Variants in NELL1 observed in about 807,000 individuals in gnomAD.
NELL1 encodes neural EGFL like 1.
A neutral mutation model predicts 107.4 loss-of-function variants in NELL1; 76 were observed. The observed-to-expected ratio is 0.71, with a 90% CI of 0.59 to 0.86. The LOEUF (loss-of-function observed/expected upper bound fraction) is 0.86, where lower values mean the gene tolerates loss of function less well. NELL1 is among the 40% of genes least tolerant of loss of function. NELL1 has a pLI of 0.00. For missense variants in NELL1, 1,024 were observed against 1,005.5 expected, an observed-to-expected ratio of 1.02 and a Z score of -0.25; for synonymous variants, 353 against 341.2, an observed-to-expected ratio of 1.03 and a Z score of -0.38.
In NELL1 at chr11:21,411,899, G is replaced by A. The variant is rs138659509; in HGVS notation, c.1645+40951G>A. Among the ~76,000 whole-genome samples, 548 of 152,160 alleles carry A rather than the reference G, an allele frequency of 3.6e-3. 1 individual carries two copies. The highest frequency in any genetic ancestry group is 0.012 in the African/African-American group (507 of 41,544). On this transcript the variant is annotated intron_variant, in intron 15 of 19. Transcript: ENST00000357134. ...TTGGCTGTGAGATTTTTACTGAAAA[G>A]CAGTTTGATAGACCTTGCTGAATGA...
intron 2 of NELL1, among the ~76,000 whole-genome samples, chr11:20,748,982 G>A (rs1336717992): frequency 2.0e-5 from 3 of 150,794 alleles, no homozygotes; most frequent in African/African-American, 7.4e-5. Flanking sequence ...ATTTACTGAG[G>A]GGCTGTTATA....
intron 12 of NELL1, among the ~76,000 whole-genome samples, chr11:20,969,670 A>C (rs960024179): frequency 1.1e-4 from 16 of 149,108 alleles, no homozygotes; most frequent in African/African-American, 3.7e-4. Context: ...AGTAAAGAAC[A>C]AAGCAAAAAA....
chr11:21,308,006 A>G (rs531709102), intron 14 of NELL1, among the ~76,000 whole-genome samples: 10 of 152,158 alleles, frequency 6.6e-5, no homozygotes, highest in African/African-American at 2.4e-4. Context: ...AATGCTAAGT[A>G]TGATTACTTA....
chr11:20,783,683 T>C lies in NELL1; in HGVS notation c.188T>C (p.Ile63Thr), dbSNP rs201312946. ...NASKAFLFQD[I>T]EREIHAAPHV... Reference sequence around the variant, plus strand: ...TGCTTTTCTTCTTGATTCCTAGACATAGAAAGAGAGATCCATGCAGCTCCT... The same window carrying C: ...TGCTTTTCTTCTTGATTCCTAGACACAGAAAGAGAGATCCATGCAGCTCCT... Residue 63 changes from isoleucine to threonine, a missense_variant, in exon 3 of 20, where the codon ATA becomes ACA. Physicochemically the swap from Ile to Thr is moderately conservative, Grantham distance 89. Coordinates refer to ENST00000357134, the MANE Select transcript of NELL1 (RefSeq NM_006157.5). 4 of 1,612,572 alleles carry C rather than the reference T, an allele frequency of 2.5e-6. No individual in the cohort carries two copies. The Admixed American group carries it at 6.7e-5, about 27-fold the overall frequency.
At chr11:21,086,967 T>C (rs1854407338) in intron 12 of NELL1, among the ~76,000 whole-genome samples, 1 of 151,340 alleles carries the variant, frequency 6.6e-6, no homozygotes, top group African/African-American at 2.4e-5. Context: ...GCCTCCAGAG[T>C]AGCTGGGACT....
rs752402835 is a variant in NELL1, at chr11:20,847,641, A to T, written c.394A>T (p.Asn132Tyr). ...TGAGATTCGGTATCACTACATACAC[A>T]ATGGGAAGCCAAGGACAGAGGCACT... ...RDEIRYHYIH[N>Y]GKPRTEALPY... is the part of the protein sequence containing the mutation. Residue 132 changes from asparagine to tyrosine, a missense_variant, in exon 4 of 20, where the codon AAT becomes TAT. Transcript: ENST00000357134. The T allele has an allele frequency of 3.1e-6, 5 of 1,613,918 alleles. No homozygotes were observed. The Admixed American group carries it at 8.3e-5, about 27-fold the overall frequency.
chr11:21,231,212 A>C (rs2133885959), intron 14 of NELL1, among the ~76,000 whole-genome samples: 1 of 152,328 alleles, frequency 6.6e-6, no homozygotes, highest in African/African-American at 2.4e-5. Context: ...CAAATATCTA[A>C]GTTAATATTT....
chr11:20,813,099 G>A (rs1348523165), intron 3 of NELL1, among the ~76,000 whole-genome samples: 1 of 141,698 alleles, frequency 7.1e-6, no homozygotes, highest in African/African-American at 2.6e-5. Flanking sequence ...TTGATTCCAT[G>A]TATCACACCT....
chr11:21,231,119 A>G (rs1459432673), intron 14 of NELL1, among the ~76,000 whole-genome samples: 1 of 152,202 alleles, frequency 6.6e-6, no homozygotes, highest in South Asian at 2.1e-4. Context: ...ACATACATAC[A>G]TGTACACATC....
chr11:20,692,581 T>C (rs1003350225), intron 2 of NELL1, among the ~76,000 whole-genome samples: 2 of 150,792 alleles, frequency 1.3e-5, no homozygotes, highest in East Asian at 3.9e-4. Flanking sequence ...TCAGTTTCCA[T>C]GTAGTTGAGT....
intron 15 of NELL1, among the ~76,000 whole-genome samples, chr11:21,418,848 A>G (rs1852585026): frequency 6.6e-6 from 1 of 152,130 alleles, no homozygotes; most frequent in South Asian, 2.1e-4. Context: ...TTATGTGTGG[A>G]TTTCAGAGTG....
intron 13 of NELL1, among the ~76,000 whole-genome samples, chr11:21,140,150 C>G (rs1855834411): frequency 6.6e-6 from 1 of 152,182 alleles, no homozygotes; most frequent in Non-Finnish European, 1.5e-5. Flanking sequence ...TAATCACATG[C>G]TCCATCCCAA....
chr11:20,771,588 G>C (rs1026229471), intron 2 of NELL1, among the ~76,000 whole-genome samples: 3 of 152,138 alleles, frequency 2.0e-5, no homozygotes, highest in African/African-American at 7.2e-5. Flanking sequence ...AAAGTCATAT[G>C]ATTAAGATAC....
At chr11:20,706,636 G>T (rs985908333) in intron 2 of NELL1, among the ~76,000 whole-genome samples, 2 of 151,838 alleles carry the variant, frequency 1.3e-5, no homozygotes, top group Non-Finnish European at 2.9e-5. Flanking sequence ...AAACCTGCAC[G>T]TTGTGCACAT....
At chr11:21,473,915 C>G (rs1299416747) in intron 15 of NELL1, among the ~76,000 whole-genome samples, 1 of 152,002 alleles carries the variant, frequency 6.6e-6, no homozygotes, top group Non-Finnish European at 1.5e-5. Context: ...GGTGTCTGTT[C>G]AGATAATCTA....
intron 15 of NELL1, among the ~76,000 whole-genome samples, chr11:21,403,680 C>T (rs1037817847): frequency 1.3e-5 from 2 of 151,400 alleles, no homozygotes; most frequent in Non-Finnish European, 2.9e-5. Flanking sequence ...ATAGATAATT[C>T]TGTATGAACA....
intron 16 of NELL1, among the ~76,000 whole-genome samples, chr11:21,542,216 G>A (rs1056518491): frequency 1.3e-5 from 2 of 152,044 alleles, no homozygotes; most frequent in African/African-American, 4.8e-5. Flanking sequence ...ATGTGAGCTC[G>A]AGGACGAAGA....
chr11:21,158,509 A>G (rs1856294736), intron 13 of NELL1, among the ~76,000 whole-genome samples: 1 of 152,218 alleles, frequency 6.6e-6, no homozygotes, highest in Admixed American at 6.5e-5. Flanking sequence ...TTTACTTTAC[A>G]TAAATACATA....
chr11:20,944,124 T>C (rs539631401), intron 10 of NELL1, among the ~76,000 whole-genome samples: 1 of 152,302 alleles, frequency 6.6e-6, no homozygotes, highest in African/African-American at 2.4e-5. Context: ...TAAAATGGTA[T>C]TATGAAGTAT....
Sources: gnomAD v4.1 joint callset for allele counts (sites outside exome capture counted in the v4.1 genomes callset) on GRCh38, gnomAD v4.1.1 for gene constraint, MANE v1.5 for transcripts, NCBI Gene and HGNC (gene_info 2026-07-23, HGNC 2026-07-21) for gene names.